The following FTO variants were observed in gnomAD, a reference collection of about 807,000 sequenced individuals.
The protein encoded by FTO is alpha-ketoglutarate-dependent dioxygenase FTO.
A neutral mutation model predicts 63.9 loss-of-function variants in FTO; 47 were observed. The ratio of observed to expected loss-of-function variants is 0.74; its 90% CI spans 0.58 to 0.94. The LOEUF (loss-of-function observed/expected upper bound fraction) is 0.94. Ranked by LOEUF, FTO falls within the 40% of genes least tolerant of loss-of-function variation. FTO has a pLI of 0.00. For missense variants in FTO, 562 were observed against 618.1 expected, an observed-to-expected ratio of 0.91 and a Z score of 0.96; for synonymous variants, 207 against 224.4, an observed-to-expected ratio of 0.92 and a Z score of 0.69.
rs1405026245 is a variant in FTO, at chr16:54,117,002, A to AT, written c.*5087_*5088insT. The stretch of plus-strand genomic sequence containing the variant: ...CCAAGTTCTTCCTGCTCTCTGGCCC[A>AT]AATCCTCCTCCTACATTGGAAACTG... On this transcript the variant is annotated 3_prime_UTR_variant, in exon 9 of 9. Coordinates refer to ENST00000471389, the MANE Select transcript of FTO (RefSeq NM_001080432.3). The AT allele has an allele frequency of 6.6e-6, 1 of 152,230 alleles. No homozygotes were observed. The highest frequency in any genetic ancestry group is 1.5e-5 in the Non-Finnish European group (1 of 68,152). 9.4% of individuals were successfully genotyped at this position (152,230 alleles called of 1,614,324 possible).
rs745616565 is a variant in FTO, at chr16:53,873,855, G to A, written c.965G>A (p.Arg322Gln). 50 of 1,611,820 alleles carry A rather than the reference G, an allele frequency of 3.1e-5. No homozygotes were observed. Among genetic ancestry groups the A allele is most frequent in the Non-Finnish European group, 3.9e-5 (46 of 1,178,332 alleles). ...GSQPRFSSTH[R>Q]VAECSTGTLD... is the part of the protein sequence containing the mutation. Reference sequence around the variant, plus strand: ...CAACCTCGGTTTAGTTCCACCCACCGAGTGGCAGAGGTAAGTGTAAATAAA... The same window carrying A: ...CAACCTCGGTTTAGTTCCACCCACCAAGTGGCAGAGGTAAGTGTAAATAAA... The change falls in exon 5 of 9, where the codon CGA (arginine) becomes CAA (glutamine). Residue 322 changes from arginine to glutamine, a missense_variant. Coordinates refer to ENST00000471389, the MANE Select transcript of FTO (RefSeq NM_001080432.3).
chr16:53,804,733 A>G (rs757555843), intron 1 of FTO, among the ~76,000 whole-genome samples: 2 of 148,940 alleles, frequency 1.3e-5, no homozygotes, highest in Non-Finnish European at 3.0e-5. Flanking sequence ...CTCTTGCCTC[A>G]GCCACCCTAG....
chr16:53,861,450 T>C (rs1410356940), intron 4 of FTO, among the ~76,000 whole-genome samples: 2 of 152,202 alleles, frequency 1.3e-5, no homozygotes, highest in African/African-American at 4.8e-5. Flanking sequence ...GTATTTTTGT[T>C]GGCCATTCTT....
intron 8 of FTO, among the ~76,000 whole-genome samples, chr16:54,065,865 CTGAGTAACTT>C (rs2085716318): frequency 6.6e-6 from 1 of 152,318 alleles, no homozygotes; most frequent in African/African-American, 2.4e-5. Flanking sequence ...TCCCTCTGAC[CTGAGTAACTT>C]TGAGGAACTT....
intron 2 of FTO, among the ~76,000 whole-genome samples, chr16:53,823,993 CACTT>C (rs1263643189): frequency 6.6e-6 from 1 of 152,146 alleles, no homozygotes; most frequent in East Asian, 1.9e-4. Context: ...TTCATCTGTC[CACTT>C]ATCTTTGTCT....
intron 8 of FTO, among the ~76,000 whole-genome samples, chr16:53,936,102 A>C (rs2082384871): frequency 6.6e-6 from 1 of 152,254 alleles, no homozygotes; most frequent in Non-Finnish European, 1.5e-5. Flanking sequence ...CCTGTTTAAA[A>C]GGAATCTGCT....
At chr16:53,933,411 T>C (rs991013650) in intron 7 of FTO, among the ~76,000 whole-genome samples, 1 of 152,224 alleles carries the variant, frequency 6.6e-6, no homozygotes, top group African/African-American at 2.4e-5. Context: ...GAAATGGTCT[T>C]TCTGATTTTT....
At chr16:53,939,783 A>G (rs78152803) in intron 8 of FTO, among the ~76,000 whole-genome samples, 3,244 of 152,302 alleles carry the variant, frequency 0.021, 109 homozygotes, top group African/African-American at 0.074. Context: ...ATGTTATAGC[A>G]TATAAGTACT....
rs1003591331 is a variant in FTO, at chr16:53,764,026, A to G, written c.46-46114A>G. 5 of 152,232 alleles carry G rather than the reference A, an allele frequency of 3.3e-5. No individual in the cohort carries two copies. In the South Asian group the frequency reaches 1.0e-3, roughly 32 times the overall value. The allele number at this position is 152,232 out of a possible 1,614,324, so 9.4% of individuals were successfully genotyped here. On this transcript the variant is annotated intron_variant, in intron 1 of 8. Coordinates refer to ENST00000471389, the MANE Select transcript of FTO (RefSeq NM_001080432.3). The stretch of plus-strand genomic sequence containing the variant: ...ACTTCCAGCAAGTCCTGAACCTAAG[A>G]CTCAATTTTTTCTCTCAAAATGGGG...
chr16:54,056,700 C>A (rs546409640), intron 8 of FTO, among the ~76,000 whole-genome samples: 3 of 152,314 alleles, frequency 2.0e-5, no homozygotes, highest in African/African-American at 7.2e-5. Flanking sequence ...AAGCTTATCT[C>A]CCAGACCAAA....
At chr16:53,936,373 C>T (rs985072312) in intron 8 of FTO, among the ~76,000 whole-genome samples, 7 of 152,226 alleles carry the variant, frequency 4.6e-5, no homozygotes, top group Non-Finnish European at 7.3e-5. Context: ...CTTCTCCCCA[C>T]CACTTCTCCA....
intron 8 of FTO, among the ~76,000 whole-genome samples, chr16:53,967,157 G>A (rs1240384861): frequency 1.3e-5 from 2 of 151,958 alleles, no homozygotes; most frequent in Non-Finnish European, 2.9e-5. Context: ...TTTGCACGGT[G>A]GGGATGAATT....
In FTO at chr16:53,826,494, A is replaced by G. The variant is rs886052102; in HGVS notation, c.751+3A>G. On this transcript the variant is annotated splice_donor_region_variant and intron_variant, in intron 3 of 8. Transcript: ENST00000471389. ...AGTGTACAGTTATAGCTGTGAAGGT[A>G]CAGTCTGCTCTTGGAAAAAGCAGCC... 2 of 1,613,964 alleles carry G rather than the reference A, an allele frequency of 1.2e-6. No individual in the cohort carries two copies. The highest frequency in any genetic ancestry group is 1.7e-6 in the Non-Finnish European group (2 of 1,180,020).
Position 54,120,891 on chromosome 16 carries a change from T to C in FTO, c.*8976T>C, listed in dbSNP as rs2087000725. 1 of 152,188 alleles carries C rather than the reference T, an allele frequency of 6.6e-6. No individual in the cohort carries two copies. Among genetic ancestry groups the C allele is most frequent in the South Asian group, 2.1e-4 (1 of 4,818 alleles). The allele number at this position is 152,188 out of a possible 1,614,324, so 9.4% of individuals were successfully genotyped here. ...ACAAGATATTGGTGATTTTACATATTATTAGAGCCACTGAAATTTATGATG... is the reference window on the plus strand; with the variant it reads ...ACAAGATATTGGTGATTTTACATATCATTAGAGCCACTGAAATTTATGATG... On this transcript the variant is annotated 3_prime_UTR_variant, in exon 9 of 9. Transcript: ENST00000471389.
intron 1 of FTO, among the ~76,000 whole-genome samples, chr16:53,736,794 T>C (rs1247330073): frequency 6.6e-6 from 1 of 152,204 alleles, no homozygotes; most frequent in African/African-American, 2.4e-5. Flanking sequence ...GAGCACTATC[T>C]GACGTAACCA....
At chr16:53,931,174 A>C (rs1045571688) in intron 7 of FTO, among the ~76,000 whole-genome samples, 3 of 147,882 alleles carry the variant, frequency 2.0e-5, no homozygotes, top group Non-Finnish European at 4.4e-5. Context: ...ATAGATTCAC[A>C]GGGGGGAAAA....
chr16:53,773,829 T>C (rs77982821), intron 1 of FTO, among the ~76,000 whole-genome samples: 2 of 152,130 alleles, frequency 1.3e-5, no homozygotes, highest in Non-Finnish European at 1.5e-5. Context: ...TTCCAACTCA[T>C]AGAATGACAG....
At chr16:53,886,876 T>G (rs56335873) in intron 6 of FTO, 1 of 152,094 alleles carries the variant, frequency 6.6e-6, no homozygotes, top group Non-Finnish European at 1.5e-5. Context: ...TGTCTATATA[T>G]GGAACATGAT....
chr16:53,928,497 C>T (rs1040324687), intron 7 of FTO, among the ~76,000 whole-genome samples: 10 of 152,170 alleles, frequency 6.6e-5, no homozygotes, highest in Admixed American at 5.9e-4. Flanking sequence ...ATTAATTGCC[C>T]TGTAAAAAGA....
Sources: allele counts gnomAD v4.1 joint callset (sites outside exome capture counted in the v4.1 genomes callset), GRCh38; gene constraint gnomAD v4.1.1; transcripts MANE v1.5; gene names NCBI Gene and HGNC (gene_info 2026-07-23, HGNC 2026-07-21).